ADAMTS17: variants seen among roughly 807,000 people sequenced by gnomAD.
The protein encoded by ADAMTS17 is ADAM metallopeptidase with thrombospondin type 1 motif 17, also known as A disintegrin and metalloproteinase with thrombospondin motifs 17.
ADAMTS17 carries 113 observed loss-of-function variants against 141.5 expected under a neutral mutation model. That is an observed-to-expected ratio of 0.80 (90% CI 0.69 to 0.93). The LOEUF (loss-of-function observed/expected upper bound fraction) is 0.93, where lower values mean the gene tolerates loss of function less well. Among genes scored for constraint, ADAMTS17 ranks in the 40% least tolerant of loss-of-function variants. The pLI is 0.00. For missense variants in ADAMTS17, 1,659 were observed against 1,517.9 expected (o/e 1.09, Z -1.54); for synonymous variants, 768 against 630.6 (o/e 1.22, Z -3.27).
intron 7 of ADAMTS17, among the ~76,000 whole-genome samples, chr15:100,240,763 T>C (rs1330509191): frequency 6.6e-6 from 1 of 152,224 alleles, no homozygotes. Context: ...ATCACCCCTC[T>C]GTGTTCCTCA....
intron 7 of ADAMTS17, among the ~76,000 whole-genome samples, chr15:100,231,859 G>A (rs184514317): frequency 8.1e-4 from 123 of 152,292 alleles, no homozygotes; most frequent in South Asian, 2.7e-3. Flanking sequence ...CAGGAGAAGC[G>A]AATAATGTGT....
At chr15:100,249,707 A>C (rs2043094992) in intron 7 of ADAMTS17, among the ~76,000 whole-genome samples, 1 of 152,198 alleles carries the variant, frequency 6.6e-6, no homozygotes, top group Non-Finnish European at 1.5e-5. Flanking sequence ...CACAATCAGA[A>C]ATGCAGACTG....
chr15:100,275,132 CAG>C (rs1210521343), intron 4 of ADAMTS17, among the ~76,000 whole-genome samples: 2 of 152,278 alleles, frequency 1.3e-5, no homozygotes, highest in South Asian at 2.1e-4. Flanking sequence ...GACATTTGCA[CAG>C]AGTCCTAAAA....
chr15:100,329,635 G>A (rs963201438), intron 3 of ADAMTS17, among the ~76,000 whole-genome samples: 2 of 152,016 alleles, frequency 1.3e-5, no homozygotes, highest in Admixed American at 6.6e-5. Context: ...GTAATTGTAC[G>A]GGGTCTTCCT....
rs777848777 is a variant in ADAMTS17 at position 100,331,010 on chromosome 15, G to T, written c.495C>A (p.Pro165=). ...TGAATGGGCCCTGGGAGTTGTTGAG[G>T]GGCTGGATTAGCACCTGCTCCTGCC... The part of the protein sequence containing the change: ...QLGQEQVLIQ[P]LNNSQGPFSG... The change falls in exon 3 of 22, where the codon CCC becomes CCA. Residue 165 remains proline, a synonymous_variant. Transcript: ENST00000268070. The T allele has an allele frequency of 6.2e-7, 1 of 1,614,154 alleles. No homozygotes were observed. Among genetic ancestry groups the T allele is most frequent in the Non-Finnish European group, 8.5e-7 (1 of 1,180,030 alleles).
chr15:100,162,085 G>C (rs980149604), intron 8 of ADAMTS17, among the ~76,000 whole-genome samples: 1 of 152,134 alleles, frequency 6.6e-6, no homozygotes, highest in Admixed American at 6.5e-5. Flanking sequence ...GACCAATATA[G>C]TGTTGGTGTT....
At chr15:100,290,907 C>A (rs928629499) in intron 3 of ADAMTS17, among the ~76,000 whole-genome samples, 2 of 152,118 alleles carry the variant, frequency 1.3e-5, no homozygotes, top group African/African-American at 2.4e-5. Context: ...TGGAAAAAAA[C>A]CTAGGAAATA....
At chr15:100,210,962 G>A (rs1023847298) in intron 7 of ADAMTS17, among the ~76,000 whole-genome samples, 2 of 152,158 alleles carry the variant, frequency 1.3e-5, no homozygotes, top group East Asian at 1.9e-4. Flanking sequence ...TTAGCTGGGC[G>A]TGGTGGCAGG....
At chr15:100,016,912 G>A (rs541424856) in intron 18 of ADAMTS17, among the ~76,000 whole-genome samples, 1 of 152,306 alleles carries the variant, frequency 6.6e-6, no homozygotes, top group East Asian at 1.9e-4. Flanking sequence ...AGTGGCAGGT[G>A]GGGCCCTAGA....
chr15:99,988,193 C>G (rs1319395321), intron 20 of ADAMTS17, among the ~76,000 whole-genome samples: 2 of 152,050 alleles, frequency 1.3e-5, no homozygotes, highest in Non-Finnish European at 2.9e-5. Context: ...ATGTGTCCCC[C>G]AACGTTGGAG....
rs574682423 is a variant in ADAMTS17 at position 100,168,954 on chromosome 15, C to T, written c.1182-13634G>A. On this transcript the variant is annotated intron_variant, in intron 8 of 21. Coordinates refer to ENST00000268070, the MANE Select transcript of ADAMTS17 (RefSeq NM_139057.4). ...ACATCATCTGCCTTAGCACATTCCC[C>T]GGAGGGGCGACTATAATGGCAGATG... is the stretch of plus-strand genomic sequence containing the variant. 1.6e-4 allele frequency among the ~76,000 whole-genome samples: 25 copies of T among 152,320 alleles called. No homozygotes were observed. In the East Asian group the frequency reaches 3.9e-3, roughly 24 times the overall value.
At chr15:100,103,429 T>C (rs60856659) in intron 14 of ADAMTS17, among the ~76,000 whole-genome samples, 4,369 of 152,246 alleles carry the variant, frequency 0.029, 208 homozygotes, top group African/African-American at 0.099. Flanking sequence ...ACTTCCCCAG[T>C]AATTCTACCT....
At chr15:100,206,741 A>T (rs1245123363) in intron 7 of ADAMTS17, among the ~76,000 whole-genome samples, 2 of 152,192 alleles carry the variant, frequency 1.3e-5, no homozygotes, top group African/African-American at 4.8e-5. Flanking sequence ...GATATCCCCA[A>T]AGGGAATCTG....
intron 14 of ADAMTS17, among the ~76,000 whole-genome samples, chr15:100,097,437 C>T (rs190205675): frequency 1.2e-4 from 18 of 152,320 alleles, no homozygotes; most frequent in Admixed American, 2.6e-4. Flanking sequence ...AGCCCCTTCC[C>T]GTGATGCCTG....
chr15:100,227,477 G>C (rs1439237180), intron 7 of ADAMTS17, among the ~76,000 whole-genome samples: 1 of 152,194 alleles, frequency 6.6e-6, no homozygotes, highest in Non-Finnish European at 1.5e-5. Context: ...GCAAGTAATA[G>C]AAAACAATGG....
At chr15:100,153,545 G>A (rs1469570765) in intron 9 of ADAMTS17, among the ~76,000 whole-genome samples, 1 of 152,170 alleles carries the variant, frequency 6.6e-6, no homozygotes, top group Admixed American at 6.5e-5. Flanking sequence ...TTGGAAGGCT[G>A]AAGCAGGAGA....
At chr15:100,100,410 C>CCTGCTTCTCGTCCAGGCATCA (rs2036023970) in intron 14 of ADAMTS17, among the ~76,000 whole-genome samples, 1 of 152,314 alleles carries the variant, frequency 6.6e-6, no homozygotes, top group Admixed American at 6.5e-5. Flanking sequence ...TCCCCTCACT[C>CCTGCTTCTCGTCCAGGCATCA]CACCCTGGCT....
At chr15:100,236,978 T>C (rs540467878) in intron 7 of ADAMTS17, among the ~76,000 whole-genome samples, 1 of 152,258 alleles carries the variant, frequency 6.6e-6, no homozygotes, top group East Asian at 1.9e-4. Flanking sequence ...TCTCCTCTCA[T>C]CTCTGCACAA....
At chr15:100,087,025 A>T (rs2035148982) in intron 15 of ADAMTS17, among the ~76,000 whole-genome samples, 1 of 152,150 alleles carries the variant, frequency 6.6e-6, no homozygotes, top group Non-Finnish European at 1.5e-5. Flanking sequence ...GACACAAAAA[A>T]CCCTTCAAAA....
Sources: gnomAD v4.1 joint callset for allele counts (sites outside exome capture counted in the v4.1 genomes callset) on GRCh38, gnomAD v4.1.1 for gene constraint, MANE v1.5 for transcripts, NCBI Gene and HGNC (gene_info 2026-07-23, HGNC 2026-07-21) for gene names.